LRP6: variants seen among roughly 807,000 people sequenced by gnomAD.
The protein encoded by LRP6 is low-density lipoprotein receptor-related protein 6.
LRP6 carries 43 observed loss-of-function variants against 184.1 expected under a neutral mutation model. The observed-to-expected ratio is 0.23, with a 90% CI of 0.18 to 0.30. LRP6 has a LOEUF of 0.30. Among genes scored for constraint, LRP6 ranks in the 10% least tolerant of loss-of-function variants. LRP6 has a pLI of 1.00. For synonymous variants in LRP6, 719 were observed against 684.9 expected, an observed-to-expected ratio of 1.05 and a Z score of -0.78; for missense variants, 1,571 against 2,005.3, an observed-to-expected ratio of 0.78 and a Z score of 4.14.
At chr12:12,168,955 G>A (rs928640701) in intron 7 of LRP6, among the ~76,000 whole-genome samples, 15 of 152,050 alleles carry the variant, frequency 9.9e-5, no homozygotes, top group African/African-American at 3.4e-4. Flanking sequence ...ACGGCCAGGC[G>A]CAGTGGTTCA....
intron 7 of LRP6, among the ~76,000 whole-genome samples, chr12:12,174,816 T>A (rs184179304): frequency 1.0e-3 from 156 of 152,322 alleles, no homozygotes; most frequent in Non-Finnish European, 1.9e-3. Flanking sequence ...AAATAATACC[T>A]TCTTTATTCA....
intron 2 of LRP6, among the ~76,000 whole-genome samples, chr12:12,224,463 CTTCACT>C (rs1185034856): frequency 6.6e-6 from 1 of 151,748 alleles, no homozygotes; most frequent in Non-Finnish European, 1.5e-5. Flanking sequence ...TTTCAGAAAA[CTTCACT>C]TTCAAGATTA....
intron 17 of LRP6, 84 bp downstream of exon 17, chr12:12,135,091 C>T: frequency 6.2e-7 from 1 of 1,601,156 alleles, no homozygotes; most frequent in Non-Finnish European, 8.5e-7. Context: ...AGAGCAACTT[C>T]AATGCCTAGT....
chr12:12,160,099 C>A, intron 10 of LRP6, 135 bp from the exon 11 acceptor site: 1 of 645,190 alleles, frequency 1.5e-6, no homozygotes. Context: ...AACAAAATCA[C>A]GGCTACAATG....
chr12:12,146,299 CA>C (rs1950005426), intron 15 of LRP6, among the ~76,000 whole-genome samples: 1 of 152,234 alleles, frequency 6.6e-6, no homozygotes, highest in Admixed American at 6.5e-5. Flanking sequence ...AAGGCTCTAT[CA>C]ATTTCCACTT....
intron 12 of LRP6, among the ~76,000 whole-genome samples, chr12:12,152,735 G>A (rs1239712461): frequency 2.0e-5 from 3 of 152,164 alleles, no homozygotes; most frequent in Non-Finnish European, 4.4e-5. Context: ...GTCCTTCTCA[G>A]GAATATAAAA....
chr12:12,245,772 GT>G (rs1019713393), intron 1 of LRP6, among the ~76,000 whole-genome samples: 1 of 151,940 alleles, frequency 6.6e-6, no homozygotes. Flanking sequence ...TAAATTCCAT[GT>G]TTTTTGGTTT....
At chr12:12,236,131 G>C (rs1000322656) in intron 2 of LRP6, among the ~76,000 whole-genome samples, 5 of 152,102 alleles carry the variant, frequency 3.3e-5, no homozygotes, top group African/African-American at 1.2e-4. Context: ...GGAGGCTGAG[G>C]CAGGAGAATG....
At chr12:12,227,250 A>G (rs1864650994) in intron 2 of LRP6, among the ~76,000 whole-genome samples, 1 of 152,168 alleles carries the variant, frequency 6.6e-6, no homozygotes, top group Non-Finnish European at 1.5e-5. Flanking sequence ...GACCAACAAA[A>G]ATTGAGGGAT....
intron 7 of LRP6, among the ~76,000 whole-genome samples, chr12:12,179,365 TATAGATATAG>T (rs1474357404): frequency 6.8e-4 from 6 of 8,786 alleles, no homozygotes; most frequent in Non-Finnish European, 2.2e-3. Context: ...CAATAAAAGA[TATAGATATAG>T]ATATAGATAT....
chr12:12,191,469 T>C (rs772330289), intron 3 of LRP6, among the ~76,000 whole-genome samples: 2 of 152,234 alleles, frequency 1.3e-5, no homozygotes, highest in Non-Finnish European at 2.9e-5. Flanking sequence ...GAACTCTGCC[T>C]TCTTCTGAAT....
intron 2 of LRP6, among the ~76,000 whole-genome samples, chr12:12,233,004 C>G (rs1289664835): frequency 3.3e-5 from 5 of 152,184 alleles, no homozygotes. Context: ...ATAATCTTAG[C>G]AACACTACAA....
chr12:12,189,030 G>C (rs1047758844), intron 3 of LRP6, among the ~76,000 whole-genome samples: 1 of 152,074 alleles, frequency 6.6e-6, no homozygotes, highest in Non-Finnish European at 1.5e-5. Context: ...GAAAAAAAAG[G>C]CTTCAAAAAG....
intron 2 of LRP6, among the ~76,000 whole-genome samples, chr12:12,225,014 G>A (rs1468274567): frequency 6.6e-6 from 1 of 152,170 alleles, no homozygotes; most frequent in African/African-American, 2.4e-5. Flanking sequence ...AGACCAGCCT[G>A]ACCAACATGG....
At chr12:12,147,166 T>G (rs1217679838) in intron 15 of LRP6, among the ~76,000 whole-genome samples, 200 bp downstream of exon 15, 3 of 152,016 alleles carry the variant, frequency 2.0e-5, no homozygotes, top group Non-Finnish European at 4.4e-5. Context: ...TCAAGAAAAC[T>G]GGCAGGTAGT....
intron 1 of LRP6, among the ~76,000 whole-genome samples, chr12:12,264,596 T>TG (rs1165472629): frequency 1.3e-5 from 2 of 152,158 alleles, no homozygotes; most frequent in African/African-American, 4.8e-5. Flanking sequence ...CAATTCTTTG[T>TG]GGGGGAAAAA....
intron 2 of LRP6, among the ~76,000 whole-genome samples, chr12:12,241,256 C>T (rs965092450): frequency 1.3e-5 from 2 of 152,176 alleles, no homozygotes; most frequent in Admixed American, 6.5e-5. Context: ...TTCCTCAGCA[C>T]TGTTTTCATG....
At chr12:12,155,304 T>A in intron 12 of LRP6, 1 of 755,216 alleles carries the variant, frequency 1.3e-6, no homozygotes, top group Non-Finnish European at 2.4e-6. Context: ...CCGATACGTG[T>A]TCTCTAGGCC....
intron 2 of LRP6, among the ~76,000 whole-genome samples, chr12:12,211,862 C>T (rs1048925055): frequency 9.9e-5 from 15 of 152,180 alleles, no homozygotes; most frequent in Admixed American, 9.2e-4. Flanking sequence ...AATTTAATTC[C>T]CAACTATCAT....
Sources: allele counts gnomAD v4.1 joint callset (sites outside exome capture counted in the v4.1 genomes callset), GRCh38; gene constraint gnomAD v4.1.1; transcripts MANE v1.5; gene names NCBI Gene and HGNC (gene_info 2026-07-23, HGNC 2026-07-21).